CLMP: variants seen among roughly 807,000 people sequenced by gnomAD.
The protein encoded by CLMP is CXADR-like membrane protein.
In CLMP, 27 loss-of-function variants were observed where a neutral mutation model predicts 45.2. The observed-to-expected ratio is 0.60, with a 90% CI of 0.44 to 0.82. The LOEUF (loss-of-function observed/expected upper bound fraction) is 0.82, where lower values mean the gene tolerates loss of function less well. Ranked by LOEUF, CLMP falls within the 40% of genes least tolerant of loss-of-function variation. The probability of loss-of-function intolerance (pLI) is 0.00; values close to 1 mark genes in which losing one functional copy is unlikely to be tolerated. For missense variants in CLMP, 403 were observed against 448.4 expected, an observed-to-expected ratio of 0.90 and a Z score of 0.91; for synonymous variants, 167 against 171.4, an observed-to-expected ratio of 0.97 and a Z score of 0.20.
chr11:123,166,804 A>G (rs1032060545), intron 1 of CLMP, among the ~76,000 whole-genome samples: 3 of 152,228 alleles, frequency 2.0e-5, no homozygotes, highest in Non-Finnish European at 4.4e-5. Context: ...CCACAAGGAA[A>G]TGATACATGT....
At chr11:123,185,063 A>G (rs1324152131) in intron 1 of CLMP, among the ~76,000 whole-genome samples, 2 of 152,108 alleles carry the variant, frequency 1.3e-5, no homozygotes. Flanking sequence ...GGCGGATGGG[A>G]GGGAGCTGGT....
intron 2 of CLMP, among the ~76,000 whole-genome samples, chr11:123,086,358 G>T: frequency 6.6e-6 from 1 of 152,170 alleles, no homozygotes; most frequent in East Asian, 1.9e-4. Context: ...GGCTTTGAGA[G>T]GCAAGGAGAA....
intron 2 of CLMP, among the ~76,000 whole-genome samples, chr11:123,089,080 C>G (rs1865897366): frequency 1.3e-5 from 2 of 152,182 alleles, no homozygotes; most frequent in African/African-American, 4.8e-5. Context: ...CTGTTTTCAA[C>G]AGACTCACAT....
At chr11:123,194,822 G>A in intron 1 of CLMP, 91 bp downstream of exon 1, 3 of 1,520,812 alleles carry the variant, frequency 2.0e-6, no homozygotes, top group Non-Finnish European at 2.7e-6. Context: ...AGGGGCTGCA[G>A]GGACACCCGG....
chr11:123,117,370 T>G (rs1443981929), intron 1 of CLMP, among the ~76,000 whole-genome samples: 1 of 152,016 alleles, frequency 6.6e-6, no homozygotes, highest in Non-Finnish European at 1.5e-5. Flanking sequence ...GAGCCAAAAT[T>G]TCAACTAAGT....
At chr11:123,096,604 A>T (rs1205202788) in intron 2 of CLMP, among the ~76,000 whole-genome samples, 1 of 152,162 alleles carries the variant, frequency 6.6e-6, no homozygotes, top group South Asian at 2.1e-4. Context: ...GTATCTTAGG[A>T]TGTTGCTGTA....
At chr11:123,075,485 C>T (rs1026962352) in intron 5 of CLMP, among the ~76,000 whole-genome samples, 3 of 151,952 alleles carry the variant, frequency 2.0e-5, no homozygotes, top group African/African-American at 7.3e-5. Context: ...CTCCCGGATT[C>T]ACGCCATTCT....
chr11:123,080,091 A>G (rs144913480), intron 5 of CLMP, among the ~76,000 whole-genome samples: 3 of 152,294 alleles, frequency 2.0e-5, no homozygotes, highest in Non-Finnish European at 2.9e-5. Context: ...ACTTAAAATA[A>G]AACATAAAAC....
chr11:123,085,711 A>G (rs1461487444), intron 2 of CLMP, among the ~76,000 whole-genome samples: 2 of 151,434 alleles, frequency 1.3e-5, no homozygotes, highest in Non-Finnish European at 2.9e-5. Flanking sequence ...CACATGAGAT[A>G]AATGCATATC....
At chr11:123,181,255 T>C (rs1008103327) in intron 1 of CLMP, among the ~76,000 whole-genome samples, 5 of 152,172 alleles carry the variant, frequency 3.3e-5, no homozygotes, top group African/African-American at 1.2e-4. Context: ...AATTGGCCTA[T>C]AAACTATGAA....
At chr11:123,145,247 A>T (rs1861219342) in intron 1 of CLMP, among the ~76,000 whole-genome samples, 1 of 151,972 alleles carries the variant, frequency 6.6e-6, no homozygotes, top group Non-Finnish European at 1.5e-5. Flanking sequence ...TTTCTACTGG[A>T]CTGCATTGCT....
chr11:123,085,404 A>G (rs1046497903), intron 2 of CLMP, among the ~76,000 whole-genome samples: 7 of 151,892 alleles, frequency 4.6e-5, no homozygotes, highest in African/African-American at 1.5e-4. Context: ...GTACACCACC[A>G]TGCCCGGCTA....
intron 1 of CLMP, among the ~76,000 whole-genome samples, chr11:123,152,154 G>A (rs1301722684): frequency 6.6e-6 from 1 of 152,100 alleles, no homozygotes; most frequent in Non-Finnish European, 1.5e-5. Context: ...AAATGAGATC[G>A]TTGATGAAAA....
At chr11:123,115,214 AT>A (rs202122945) in intron 1 of CLMP, among the ~76,000 whole-genome samples, 3,968 of 144,220 alleles carry the variant, frequency 0.028, 175 homozygotes, top group African/African-American at 0.092. Context: ...GCTAATTTAA[AT>A]TTTTTTTTTT....
intron 1 of CLMP, among the ~76,000 whole-genome samples, chr11:123,148,515 T>G (rs1393195587): frequency 6.6e-6 from 1 of 152,254 alleles, no homozygotes; most frequent in Non-Finnish European, 1.5e-5. Flanking sequence ...GTTCCCGTTC[T>G]ATTTTTCTTC....
At position 123,078,136 on chromosome 11, in the gene CLMP, C is replaced by T. The variant is rs188352143; in HGVS notation, c.680-3293G>A. On this transcript the variant is annotated intron_variant, in intron 5 of 6. Coordinates refer to ENST00000448775, the MANE Select transcript of CLMP (RefSeq NM_024769.5). ...AAAAAGAAAAAAAAATCATTATTTT[C>T]CATATGTATTTGGACACTTGGGGCA... 1.9e-3 allele frequency among the ~76,000 whole-genome samples: 287 copies of T among 151,988 alleles called. 1 individual carries two copies. Among genetic ancestry groups the T allele is most frequent in the African/African-American group, 6.6e-3 (273 of 41,464 alleles).
chr11:123,103,544 G>T (rs1030709066), intron 1 of CLMP, among the ~76,000 whole-genome samples: 1 of 151,992 alleles, frequency 6.6e-6, no homozygotes, highest in Non-Finnish European at 1.5e-5. Context: ...GCAGGGAGGA[G>T]CCCCTCTGTG....
chr11:123,104,763 G>T (rs912282715), intron 1 of CLMP, among the ~76,000 whole-genome samples: 1 of 152,196 alleles, frequency 6.6e-6, no homozygotes, highest in African/African-American at 2.4e-5. Context: ...TGAGAGGAAA[G>T]GGGCAGTCTG....
rs1253123826 is a variant in CLMP, at chr11:123,084,726, C to A, written c.187-13G>T. On this transcript the variant is annotated splice_polypyrimidine_tract_variant and intron_variant, in intron 2 of 6. Coordinates refer to ENST00000448775, the MANE Select transcript of CLMP (RefSeq NM_024769.5). The stretch of plus-strand genomic sequence containing the variant: ...AGTAAGTGATCACCTGTGGGATAGA[C>A]CGAGGCAGAGTCAAGCAGCGTAACT... 5.0e-6 allele frequency: 8 copies of A among 1,612,232 alleles called. No homozygotes were observed. The Admixed American group carries it at 5.0e-5, about 10-fold the overall frequency.
Sources: gnomAD v4.1 joint callset for allele counts (sites outside exome capture counted in the v4.1 genomes callset) on GRCh38, gnomAD v4.1.1 for gene constraint, MANE v1.5 for transcripts, NCBI Gene and HGNC (gene_info 2026-07-23, HGNC 2026-07-21) for gene names.